Variants in SORCS2 observed in about 807,000 individuals in gnomAD.
SORCS2 encodes the protein sortilin related VPS10 domain containing receptor 2.
In SORCS2, 100 loss-of-function variants were observed where a neutral mutation model predicts 141.6. That is an observed-to-expected ratio of 0.71 (90% CI 0.60 to 0.83). The LOEUF (loss-of-function observed/expected upper bound fraction) is 0.83. Ranked by LOEUF, SORCS2 falls within the 40% of genes least tolerant of loss-of-function variation. The pLI, the probability that SORCS2 is intolerant of heterozygous loss-of-function variation, is 0.00. For synonymous variants in SORCS2, 789 were observed against 676.9 expected, an observed-to-expected ratio of 1.17 and a Z score of -2.57; for missense variants, 1,646 against 1,560.2, an observed-to-expected ratio of 1.05 and a Z score of -0.93.
chr4:7,645,494 TGTGTGTGG>T (rs200347593), intron 4 of SORCS2, among the ~76,000 whole-genome samples: 3,299 of 152,106 alleles, frequency 0.022, 124 homozygotes, highest in African/African-American at 0.075. Context: ...TGTGTGTGAG[TGTGTGTGG>T]GTGTGTGAGT....
chr4:7,251,533 C>T (rs905010), intron 1 of SORCS2, among the ~76,000 whole-genome samples: 29,832 of 152,092 alleles, frequency 0.2, 3,554 homozygotes, highest in African/African-American at 0.33. Context: ...CAAGCAAGTA[C>T]TGGATCAAGA....
At position 7,740,222 on chromosome 4, in the gene SORCS2, GA is replaced by G. The variant is rs746025555; in HGVS notation, c.3439del (p.Ser1147AlafsTer12). 6.2e-7 allele frequency: 1 copy of G among 1,609,474 alleles called. No homozygotes were observed. Among genetic ancestry groups the G allele is most frequent in the Non-Finnish European group, 8.5e-7 (1 of 1,179,404 alleles). On this transcript the variant is annotated frameshift_variant, in exon 27 of 27. Coordinates refer to ENST00000507866, the MANE Select transcript of SORCS2 (RefSeq NM_020777.3). LOFTEE classifies it high-confidence loss of function. ...VQGNHSGVVL[S>X]INSREMHSYL... Reference sequence around the variant, plus strand: ...TAGGCAACCACTCAGGCGTGGTCCTGAGCATCAACTCCCGAGAGATGCACAG... The same window carrying G: ...TAGGCAACCACTCAGGCGTGGTCCTGGCATCAACTCCCGAGAGATGCACAG...
intron 4 of SORCS2, among the ~76,000 whole-genome samples, chr4:7,646,166 T>C (rs1214389983): frequency 6.6e-6 from 1 of 152,046 alleles, no homozygotes; most frequent in Non-Finnish European, 1.5e-5. Context: ...GGAGATAAAC[T>C]CCCAGGACGC....
chr4:7,613,918 A>C (rs1042590883), intron 3 of SORCS2, among the ~76,000 whole-genome samples: 3 of 151,856 alleles, frequency 2.0e-5, no homozygotes, highest in African/African-American at 4.8e-5. Flanking sequence ...CCACTCATCA[A>C]ACATCCGTTC....
chr4:7,724,921 G>GGTGGT (rs1560115089), intron 19 of SORCS2, among the ~76,000 whole-genome samples: 1 of 38,884 alleles, frequency 2.6e-5, no homozygotes, highest in African/African-American at 1.4e-4. Flanking sequence ...TGGTGGGAAT[G>GGTGGT]GATGGTGGTA....
At chr4:7,218,382 G>A (rs575115444) in intron 1 of SORCS2, among the ~76,000 whole-genome samples, 1 of 152,240 alleles carries the variant, frequency 6.6e-6, no homozygotes, top group East Asian at 1.9e-4. Context: ...TTTTTACCGT[G>A]GCAGAGACCA....
At chr4:7,257,177 C>G (rs2108814926) in intron 1 of SORCS2, among the ~76,000 whole-genome samples, 1 of 152,194 alleles carries the variant, frequency 6.6e-6, no homozygotes, top group Non-Finnish European at 1.5e-5. Context: ...GGCCAGAGGA[C>G]AGAAGTGATA....
chr4:7,505,434 TG>T (rs936750929), intron 2 of SORCS2, among the ~76,000 whole-genome samples: 4 of 151,920 alleles, frequency 2.6e-5, no homozygotes, highest in Non-Finnish European at 5.9e-5. Context: ...CATCAGGAGA[TG>T]GGACCACCCC....
At chr4:7,397,629 G>A (rs751119356) in intron 2 of SORCS2, among the ~76,000 whole-genome samples, 37 of 152,228 alleles carry the variant, frequency 2.4e-4, no homozygotes, top group Non-Finnish European at 4.4e-4. Context: ...AAAATGTCTC[G>A]TTCCTCCGGT....
rs546409782 is a variant in SORCS2 at position 7,727,056 on chromosome 4, C to T, written c.2869+153C>T. Among the ~76,000 whole-genome samples the T allele has an allele frequency of 5.3e-5, 8 of 152,320 alleles. No individual in the cohort carries two copies. The East Asian group carries it at 1.2e-3, about 22-fold the overall frequency. On this transcript the variant is annotated intron_variant, in intron 21 of 26. Transcript: ENST00000507866. ...AGGGGCTGGATAAACAGAGCCCTGC[C>T]CTGGCTGTGTGGCCTGGGCAAAGTC...
intron 3 of SORCS2, among the ~76,000 whole-genome samples, chr4:7,631,358 C>T (rs73218633): frequency 0.12 from 18,110 of 151,354 alleles, 1,333 homozygotes; most frequent in Non-Finnish European, 0.16. Context: ...AGAAGGGCAT[C>T]CAGGCCTCGG....
At chr4:7,214,563 C>T (rs796150557) in intron 1 of SORCS2, among the ~76,000 whole-genome samples, 1 of 152,232 alleles carries the variant, frequency 6.6e-6, no homozygotes, top group South Asian at 2.1e-4. Context: ...TGCCAAAATT[C>T]CACATGGCAC....
intron 2 of SORCS2, among the ~76,000 whole-genome samples, chr4:7,419,668 C>T (rs1028584613): frequency 1.9e-4 from 29 of 151,466 alleles, no homozygotes; most frequent in South Asian, 4.2e-4. Context: ...TCTTCCAAGG[C>T]GAGCTGGTGT....
At chr4:7,210,374 T>C (rs991310029) in intron 1 of SORCS2, among the ~76,000 whole-genome samples, 16 of 152,238 alleles carry the variant, frequency 1.1e-4, no homozygotes, top group African/African-American at 2.4e-5. Context: ...CTCCAACCCC[T>C]GGGCTCACGC....
At chr4:7,361,934 T>C (rs1274473464) in intron 1 of SORCS2, among the ~76,000 whole-genome samples, 2 of 151,866 alleles carry the variant, frequency 1.3e-5, no homozygotes, top group African/African-American at 4.8e-5. Flanking sequence ...GGTGGGGTAG[T>C]CCTACCCCAG....
intron 2 of SORCS2, among the ~76,000 whole-genome samples, chr4:7,442,669 C>T (rs1223582217): frequency 7.1e-6 from 1 of 140,312 alleles, no homozygotes; most frequent in African/African-American, 2.7e-5. Context: ...CAGAGGTCAG[C>T]TCTGAGGCTG....
chr4:7,703,428 A>G (rs1329726183), intron 13 of SORCS2, 57 bp downstream of exon 13: 80 of 1,429,778 alleles, frequency 5.6e-5, no homozygotes, highest in Non-Finnish European at 7.4e-5. Flanking sequence ...CTTTCTTTCC[A>G]CCTGGGAACC....
At chr4:7,671,326 G>A (rs1722784828) in intron 8 of SORCS2, among the ~76,000 whole-genome samples, 1 of 149,784 alleles carries the variant, frequency 6.7e-6, no homozygotes, top group Admixed American at 6.6e-5. Context: ...AAACAGGAAA[G>A]TATGAGCATT....
At chr4:7,553,511 G>C (rs1227378476) in intron 3 of SORCS2, among the ~76,000 whole-genome samples, 1 of 152,194 alleles carries the variant, frequency 6.6e-6, no homozygotes, top group East Asian at 1.9e-4. Flanking sequence ...TGAGATAAAG[G>C]CAACTTCAGA....
Sources: gnomAD v4.1 joint callset for allele counts (sites outside exome capture counted in the v4.1 genomes callset) on GRCh38, gnomAD v4.1.1 for gene constraint, MANE v1.5 for transcripts, NCBI Gene and HGNC (gene_info 2026-07-23, HGNC 2026-07-21) for gene names.